Variants in RELCH observed in about 807,000 individuals in gnomAD.
RELCH encodes the protein RAB11 binding and LisH domain, coiled-coil and HEAT repeat containing.
A neutral mutation model predicts 150.3 loss-of-function variants in RELCH; 41 were observed. The ratio of observed to expected loss-of-function variants is 0.27; its 90% confidence interval spans 0.21 to 0.35. RELCH has a LOEUF of 0.35. RELCH is among the 10% of genes least tolerant of loss of function. The probability of loss-of-function intolerance (pLI) is 1.00; values close to 1 mark genes in which losing one functional copy is unlikely to be tolerated. For synonymous variants in RELCH, 478 were observed against 531.8 expected, an observed-to-expected ratio of 0.90 and a Z score of 1.39; for missense variants, 1,092 against 1,467.8, an observed-to-expected ratio of 0.74 and a Z score of 4.18.
chr18:62,232,486 C>T, intron 10 of RELCH, 59 bp downstream of exon 10: 1 of 1,031,238 alleles, frequency 9.7e-7, no homozygotes, highest in Admixed American at 1.8e-5. Context: ...CATTTTTTGT[C>T]ATTTTGAAGT....
intron 10 of RELCH, among the ~76,000 whole-genome samples, chr18:62,235,999 A>G (rs2041859524): frequency 6.6e-6 from 1 of 151,924 alleles, no homozygotes; most frequent in African/African-American, 2.4e-5. Context: ...TTGGATGGTA[A>G]TGTTTTGAGA....
chr18:62,260,473 A>T (rs2144678412), intron 15 of RELCH, among the ~76,000 whole-genome samples: 1 of 152,122 alleles, frequency 6.6e-6, no homozygotes, highest in East Asian at 1.9e-4. Flanking sequence ...TATGGAAAAC[A>T]GTGTGGAAGT....
intron 1 of RELCH, among the ~76,000 whole-genome samples, chr18:62,200,367 A>G (rs866155670): frequency 6.6e-6 from 1 of 152,174 alleles, no homozygotes; most frequent in Non-Finnish European, 1.5e-5. Flanking sequence ...CTTAGTAAAT[A>G]CTGCATAAGT....
chr18:62,203,581 ATAT>A (rs1443896985), intron 1 of RELCH, among the ~76,000 whole-genome samples: 3 of 152,348 alleles, frequency 2.0e-5, no homozygotes, highest in African/African-American at 7.2e-5. Flanking sequence ...ATGCTGTTAC[ATAT>A]TATTGTTGGA....
At chr18:62,300,250 G>A (rs773122505) in intron 28 of RELCH, 5 of 152,166 alleles carry the variant, frequency 3.3e-5, no homozygotes, top group Non-Finnish European at 2.9e-5. Context: ...TCTAGATCTA[G>A]AGACTTAATC....
intron 28 of RELCH, among the ~76,000 whole-genome samples, chr18:62,303,267 CAGA>C (rs1332192079): frequency 2.6e-5 from 4 of 152,034 alleles, no homozygotes; most frequent in Non-Finnish European, 5.9e-5. Context: ...TCTGCATTTT[CAGA>C]AGTTTTCCAG....
intron 10 of RELCH, among the ~76,000 whole-genome samples, chr18:62,236,214 C>T (rs1437431471): frequency 1.3e-5 from 2 of 151,838 alleles, no homozygotes; most frequent in South Asian, 2.1e-4. Flanking sequence ...GATGATAATG[C>T]GATTTTTCCC....
At chr18:62,273,262 A>G (rs1332891591) in intron 20 of RELCH, among the ~76,000 whole-genome samples, 2 of 151,918 alleles carry the variant, frequency 1.3e-5, no homozygotes, top group African/African-American at 2.4e-5. Context: ...TTTTTCTAAC[A>G]TATTTTCTGA....
intron 19 of RELCH, among the ~76,000 whole-genome samples, chr18:62,267,457 T>G (rs1600156346): frequency 6.7e-6 from 1 of 148,602 alleles, no homozygotes; most frequent in Non-Finnish European, 1.5e-5. Flanking sequence ...TGTGTGTGTA[T>G]AGAATATATA....
chr18:62,232,633 T>G (rs922561355), intron 10 of RELCH, among the ~76,000 whole-genome samples: 2 of 152,102 alleles, frequency 1.3e-5, no homozygotes, highest in Non-Finnish European at 2.9e-5. Context: ...GTATTCATGT[T>G]TTTCCAATTT....
At chr18:62,233,717 A>C (rs1399178770) in intron 10 of RELCH, among the ~76,000 whole-genome samples, 1 of 151,944 alleles carries the variant, frequency 6.6e-6, no homozygotes, top group Non-Finnish European at 1.5e-5. Context: ...CATGTAATGC[A>C]TTAATGTTTG....
intron 10 of RELCH, among the ~76,000 whole-genome samples, chr18:62,232,675 A>G (rs1474789397): frequency 1.3e-5 from 2 of 152,068 alleles, no homozygotes; most frequent in Non-Finnish European, 2.9e-5. Flanking sequence ...CTGCAGCACT[A>G]ACTATTACTG....
At chr18:62,197,313 C>A (rs770202402) in intron 1 of RELCH, among the ~76,000 whole-genome samples, 30 of 152,144 alleles carry the variant, frequency 2.0e-4, no homozygotes, top group Non-Finnish European at 3.8e-4. Context: ...TAAAATTATG[C>A]TTTCTACTTT....
chr18:62,265,061 A>T (rs534497221), intron 18 of RELCH, among the ~76,000 whole-genome samples: 12 of 152,222 alleles, frequency 7.9e-5, no homozygotes, highest in African/African-American at 2.6e-4. Flanking sequence ...GCCTAAGCTT[A>T]GTTCATATCC....
At chr18:62,234,171 A>T (rs2041749360) in intron 10 of RELCH, among the ~76,000 whole-genome samples, 1 of 152,018 alleles carries the variant, frequency 6.6e-6, no homozygotes. Flanking sequence ...CCCTGGGCAT[A>T]ACAGAACAAA....
chr18:62,281,637 A>G (rs1198296020), intron 24 of RELCH, among the ~76,000 whole-genome samples: 1 of 152,150 alleles, frequency 6.6e-6, no homozygotes, highest in Non-Finnish European at 1.5e-5. Context: ...AAATGAAAAA[A>G]CCCTGTAGAT....
At chr18:62,196,563 C>T (rs1330676120) in intron 1 of RELCH, among the ~76,000 whole-genome samples, 2 of 152,188 alleles carry the variant, frequency 1.3e-5, no homozygotes, top group Non-Finnish European at 2.9e-5. Context: ...ATTAAGTTCA[C>T]TGCTTTTACC....
Position 62,305,603 on chromosome 18 carries a change from T to G in RELCH, c.*69T>G. The G allele has an allele frequency of 1.3e-6, 2 of 1,484,766 alleles. No homozygotes were observed. Among genetic ancestry groups the G allele is most frequent in the Non-Finnish European group, 1.8e-6 (2 of 1,111,480 alleles). The allele number at this position is 1,484,766 out of a possible 1,614,324, so 92.0% of individuals were successfully genotyped here. A position where few individuals can be genotyped will look rare whatever the true frequency, so the allele number is the denominator to read the frequency against. On this transcript the variant is annotated 3_prime_UTR_variant, in exon 29 of 29. Transcript: ENST00000644646. The surrounding 1 kb of genome is among the most constrained non-coding windows in gnomAD (Gnocchi z 4.0). The stretch of plus-strand genomic sequence containing the variant: ...GCCGACTGGTTCCTTGTACTTGAAG[T>G]ACTTGCCTTTTTTGTTTCCTCAGTT...
intron 2 of RELCH, among the ~76,000 whole-genome samples, chr18:62,217,959 A>G (rs191896996): frequency 7.0e-4 from 106 of 152,080 alleles, no homozygotes; most frequent in Middle Eastern, 3.4e-3. Context: ...ATTTATTGCT[A>G]AGTCATGCCT....
Sources: allele counts gnomAD v4.1 joint callset (sites outside exome capture counted in the v4.1 genomes callset), GRCh38; gene constraint gnomAD v4.1.1; non-coding constraint Gnocchi (gnomAD v3.1); transcripts MANE v1.5; gene names NCBI Gene and HGNC (gene_info 2026-07-23, HGNC 2026-07-21).